BMERB1: variants seen among roughly 807,000 people sequenced by gnomAD.
The protein encoded by BMERB1 is bMERB domain containing 1.
Under a neutral mutation model 23.6 loss-of-function variants are expected in BMERB1, and 12 were observed. The observed-to-expected ratio is 0.51, with a 90% CI of 0.33 to 0.82. BMERB1 has a LOEUF of 0.82. BMERB1 is among the 40% of genes least tolerant of loss of function. BMERB1 has a pLI of 0.03. For missense variants in BMERB1, 247 were observed against 255.4 expected, an observed-to-expected ratio of 0.97 and a Z score of 0.22; for synonymous variants, 122 against 96.6, an observed-to-expected ratio of 1.26 and a Z score of -1.54.
intron 1 of BMERB1, among the ~76,000 whole-genome samples, chr16:15,470,451 C>T (rs1311970442): frequency 6.6e-6 from 1 of 151,780 alleles, no homozygotes; most frequent in Non-Finnish European, 1.5e-5. Flanking sequence ...CTTTGTTGTA[C>T]TGTCTCTCTC....
At chr16:15,450,124 A>G (rs1398037753) in intron 1 of BMERB1, among the ~76,000 whole-genome samples, 2 of 151,762 alleles carry the variant, frequency 1.3e-5, no homozygotes, top group African/African-American at 2.4e-5. Context: ...TGTTGCGACC[A>G]CTCAGCTCTA....
chr16:15,474,021 G>A (rs1292601958), intron 1 of BMERB1, among the ~76,000 whole-genome samples: 1 of 151,756 alleles, frequency 6.6e-6, no homozygotes, highest in African/African-American at 2.4e-5. Flanking sequence ...TCGGGAGGCT[G>A]AGGCAGGAGA....
chr16:15,573,190 G>A (rs1458798682), intron 3 of BMERB1, among the ~76,000 whole-genome samples: 2 of 152,196 alleles, frequency 1.3e-5, no homozygotes, highest in African/African-American at 4.8e-5. Flanking sequence ...CTCCAAGCCA[G>A]GAGGACTGGG....
chr16:15,481,400 A>G (rs1461704855), intron 1 of BMERB1, among the ~76,000 whole-genome samples: 1 of 151,928 alleles, frequency 6.6e-6, no homozygotes, highest in Non-Finnish European at 1.5e-5. Context: ...GGTGGTGGGC[A>G]CCTGTAGTCC....
intron 1 of BMERB1, among the ~76,000 whole-genome samples, chr16:15,476,967 G>A (rs886468172): frequency 3.9e-5 from 6 of 152,166 alleles, no homozygotes; most frequent in African/African-American, 1.4e-4. Flanking sequence ...TCAGTCTTTG[G>A]CTGGCAGGGC....
At chr16:15,525,817 A>G (rs570186270) in intron 2 of BMERB1, among the ~76,000 whole-genome samples, 39 of 152,248 alleles carry the variant, frequency 2.6e-4, no homozygotes, top group South Asian at 1.2e-3. Flanking sequence ...AGCCCTTTTT[A>G]TTCTCAGAAA....
At chr16:15,582,284 A>C (rs2031034602) in intron 4 of BMERB1, among the ~76,000 whole-genome samples, 1 of 152,208 alleles carries the variant, frequency 6.6e-6, no homozygotes, top group Non-Finnish European at 1.5e-5. Context: ...CTGTAATCCC[A>C]GCTACTTGGG....
intron 2 of BMERB1, among the ~76,000 whole-genome samples, chr16:15,545,228 C>T (rs2052122582): frequency 1.3e-5 from 2 of 152,124 alleles, no homozygotes; most frequent in East Asian, 1.9e-4. Flanking sequence ...CTGCCTCGGC[C>T]TCCCAAAGTG....
At chr16:15,527,045 T>C (rs112707626) in intron 2 of BMERB1, among the ~76,000 whole-genome samples, 2,666 of 151,288 alleles carry the variant, frequency 0.018, 80 homozygotes, top group African/African-American at 0.062. Flanking sequence ...ATATGTAGTT[T>C]GCACACACAC....
intron 2 of BMERB1, among the ~76,000 whole-genome samples, chr16:15,542,664 G>T (rs538272167): frequency 4.0e-4 from 56 of 138,436 alleles, no homozygotes; most frequent in African/African-American, 1.5e-3. Flanking sequence ...TTGGTCAGGA[G>T]CAGATGAGAT....
chr16:15,555,022 G>C (rs1328817045), intron 2 of BMERB1, among the ~76,000 whole-genome samples: 1 of 152,090 alleles, frequency 6.6e-6, no homozygotes, highest in Admixed American at 6.6e-5. Context: ...ACTGGTGTTT[G>C]TTTGTTTTGA....
At chr16:15,440,244 CAAAAAAAAA>C (rs57412464) in intron 1 of BMERB1, among the ~76,000 whole-genome samples, 4 of 64,668 alleles carry the variant, frequency 6.2e-5, no homozygotes, top group South Asian at 6.4e-4. Context: ...GACTTAATCT[CAAAAAAAAA>C]AAAAAAAAAA....
At chr16:15,520,067 T>A (rs1307544323) in intron 2 of BMERB1, among the ~76,000 whole-genome samples, 1 of 152,098 alleles carries the variant, frequency 6.6e-6, no homozygotes, top group Non-Finnish European at 1.5e-5. Context: ...CCCCTTAATT[T>A]TAGCTTCTTG....
intron 1 of BMERB1, among the ~76,000 whole-genome samples, chr16:15,435,553 AC>A (rs1488437243): frequency 2.0e-5 from 3 of 151,966 alleles, no homozygotes; most frequent in Non-Finnish European, 4.4e-5. Context: ...GTCCCTGCAA[AC>A]CCGGGGGCTC....
At chr16:15,524,212 G>T (rs1265965939) in intron 2 of BMERB1, among the ~76,000 whole-genome samples, 1 of 152,152 alleles carries the variant, frequency 6.6e-6, no homozygotes, top group Non-Finnish European at 1.5e-5. Context: ...GGTCACCATT[G>T]CCGGGGCCAC....
At chr16:15,570,805 C>T (rs1490033491) in intron 3 of BMERB1, among the ~76,000 whole-genome samples, 3 of 151,940 alleles carry the variant, frequency 2.0e-5, no homozygotes, top group Non-Finnish European at 4.4e-5. Context: ...AAGGGGTGGG[C>T]AATTCCCACA....
At chr16:15,575,956 T>A (rs1470506022) in intron 3 of BMERB1, among the ~76,000 whole-genome samples, 3 of 152,056 alleles carry the variant, frequency 2.0e-5, no homozygotes, top group Non-Finnish European at 4.4e-5. Flanking sequence ...TTCTTTTGAT[T>A]TAGTTCTAGG....
At chr16:15,467,079 G>A (rs908439974) in intron 1 of BMERB1, among the ~76,000 whole-genome samples, 25 of 152,192 alleles carry the variant, frequency 1.6e-4, no homozygotes, top group Middle Eastern at 3.4e-3. Flanking sequence ...ATGTACCATG[G>A]TTTGTTTTAC....
intron 1 of BMERB1, among the ~76,000 whole-genome samples, chr16:15,450,197 G>C (rs1330291682): frequency 6.6e-6 from 1 of 152,078 alleles, no homozygotes; most frequent in Non-Finnish European, 1.5e-5. Context: ...GAATGGATGT[G>C]GCTATGTTTT....
Sources: allele counts gnomAD v4.1 joint callset (sites outside exome capture counted in the v4.1 genomes callset), GRCh38; gene constraint gnomAD v4.1.1; transcripts MANE v1.5; gene names NCBI Gene and HGNC (gene_info 2026-07-23, HGNC 2026-07-21).